Variants in GAP43 observed in about 807,000 individuals in gnomAD.
GAP43 encodes growth associated protein 43.
GAP43 carries 6 observed loss-of-function variants against 18.6 expected under a neutral mutation model. That is an observed-to-expected ratio of 0.32 (90% CI 0.18 to 0.64). GAP43 has a LOEUF of 0.64. Ranked by LOEUF, GAP43 falls within the 30% of genes least tolerant of loss-of-function variation. The pLI, the probability that GAP43 is intolerant of heterozygous loss-of-function variation, is 0.78. For missense variants in GAP43, 292 were observed against 295.5 expected (o/e 0.99, Z 0.09); for synonymous variants, 115 against 111.4 (o/e 1.03, Z -0.20).
chr3:115,653,792 C>G (rs1708549449), intron 1 of GAP43, among the ~76,000 whole-genome samples: 1 of 152,088 alleles, frequency 6.6e-6, no homozygotes, highest in Non-Finnish European at 1.5e-5. Context: ...GTAATGCCAT[C>G]CAAATGTAGG....
In GAP43 at chr3:115,650,930, T is replaced by C. The variant is rs553723426; in HGVS notation, c.31-25083T>C. Among the ~76,000 whole-genome samples, 28 of 151,960 alleles carry C rather than the reference T, an allele frequency of 1.8e-4. No individual in the cohort carries two copies. In the South Asian group the frequency reaches 4.0e-3, roughly 21 times the overall value. On this transcript the variant is annotated intron_variant, in intron 1 of 2. Transcript: ENST00000305124. ...GATTTTTTTGAGCCCAGGAGTTCCA[T>C]ACCAGCCTCAATAGCGAGACCTTGT...
chr3:115,698,083 AATATGTATT>A (rs1317003145), intron 2 of GAP43, among the ~76,000 whole-genome samples: 12 of 62,026 alleles, frequency 1.9e-4, no homozygotes, highest in East Asian at 1.7e-3. Flanking sequence ...TAATATATAA[AATATGTATT>A]ATATATAATA....
chr3:115,632,399 C>T (rs542584097), intron 1 of GAP43, among the ~76,000 whole-genome samples: 4 of 152,114 alleles, frequency 2.6e-5, no homozygotes, highest in Non-Finnish European at 1.5e-5. Context: ...AGGAATAAAC[C>T]TTGATTAGAG....
chr3:115,671,006 A>C (rs1436625622), intron 1 of GAP43, among the ~76,000 whole-genome samples: 2 of 152,208 alleles, frequency 1.3e-5, no homozygotes, highest in Admixed American at 1.3e-4. Context: ...TAATGGTACT[A>C]TTTATAGCTA....
chr3:115,645,904 A>T lies in GAP43; in HGVS notation c.30+22185A>T, dbSNP rs369685053. On this transcript the variant is annotated intron_variant, in intron 1 of 2. Transcript: ENST00000305124. ...GCATGCAAACATATGCAGACACAAAACTCTTAACTCCGGAATTTTAGGGAT... is the reference window on the plus strand; with the variant it reads ...GCATGCAAACATATGCAGACACAAATCTCTTAACTCCGGAATTTTAGGGAT... Among the ~76,000 whole-genome samples, 16 of 151,906 alleles carry T rather than the reference A, an allele frequency of 1.1e-4. 2 individuals are homozygous for T. Among genetic ancestry groups the T allele is most frequent in the African/African-American group, 3.9e-4 (16 of 41,460 alleles).
intron 1 of GAP43, among the ~76,000 whole-genome samples, chr3:115,627,512 G>A (rs894217773): frequency 1.3e-5 from 2 of 151,474 alleles, no homozygotes; most frequent in East Asian, 1.9e-4. Context: ...GTTATTCCTG[G>A]GGCTGAATTA....
At chr3:115,625,427 T>G (rs1708175644) in intron 1 of GAP43, among the ~76,000 whole-genome samples, 2 of 152,086 alleles carry the variant, frequency 1.3e-5, no homozygotes. Flanking sequence ...ATGTAATAAA[T>G]ACAGGTGTCT....
chr3:115,718,831 GT>G (rs750505602), intron 2 of GAP43, among the ~76,000 whole-genome samples: 11 of 152,238 alleles, frequency 7.2e-5, no homozygotes, highest in Admixed American at 3.3e-4. Context: ...CTAAAAGAAT[GT>G]TTTTTGATAG....
chr3:115,678,422 A>G (rs890153476), intron 2 of GAP43, among the ~76,000 whole-genome samples: 4 of 152,130 alleles, frequency 2.6e-5, no homozygotes, highest in African/African-American at 9.7e-5. Context: ...AATCAGTAGG[A>G]AGTCTAATAT....
Position 115,707,332 on chromosome 3 carries a change from G to A in GAP43, c.629-13462G>A, listed in dbSNP as rs544832031. Among the ~76,000 whole-genome samples the A allele has an allele frequency of 1.3e-4, 20 of 152,262 alleles. No individual in the cohort carries two copies. In the South Asian group the frequency reaches 3.7e-3, roughly 28 times the overall value. On this transcript the variant is annotated intron_variant, in intron 2 of 2. Coordinates refer to ENST00000305124, the MANE Select transcript of GAP43 (RefSeq NM_002045.4). Reference sequence around the variant, plus strand: ...TTGTTTCTATTTGAGGCAGGCTCTTGCTCTGTCACCAAGGCTGGAGTGCAG... The same window carrying A: ...TTGTTTCTATTTGAGGCAGGCTCTTACTCTGTCACCAAGGCTGGAGTGCAG...
At chr3:115,717,142 C>T (rs1709519222) in intron 2 of GAP43, among the ~76,000 whole-genome samples, 2 of 152,154 alleles carry the variant, frequency 1.3e-5, no homozygotes, top group South Asian at 4.2e-4. Flanking sequence ...TTCCTTCACT[C>T]AAGAAATATT....
intron 1 of GAP43, among the ~76,000 whole-genome samples, chr3:115,639,325 C>T (rs1007705178): frequency 6.6e-6 from 1 of 152,060 alleles, no homozygotes; most frequent in African/African-American, 2.4e-5. Context: ...GAAAGATAGC[C>T]GTCCTTGACA....
At chr3:115,679,996 A>T (rs1199595941) in intron 2 of GAP43, among the ~76,000 whole-genome samples, 2 of 152,176 alleles carry the variant, frequency 1.3e-5, no homozygotes, top group Non-Finnish European at 2.9e-5. Flanking sequence ...CCCTGAATAG[A>T]AAAATTAACT....
intron 2 of GAP43, among the ~76,000 whole-genome samples, chr3:115,702,863 C>T (rs556958243): frequency 6.6e-6 from 1 of 152,096 alleles, no homozygotes; most frequent in East Asian, 1.9e-4. Flanking sequence ...CTATATTTGC[C>T]CTTGTTACAG....
chr3:115,707,519 G>T (rs923991220), intron 2 of GAP43, among the ~76,000 whole-genome samples: 4 of 151,794 alleles, frequency 2.6e-5, no homozygotes, highest in Non-Finnish European at 4.4e-5. Context: ...TTGAACTCCT[G>T]GGCTCAAGTG....
At chr3:115,663,784 A>C (rs1708696173) in intron 1 of GAP43, 8 of 1,551,698 alleles carry the variant, frequency 5.2e-6, no homozygotes, top group Non-Finnish European at 7.0e-6. Context: ...TGGCGATGAC[A>C]AAGTCCTGCT....
At chr3:115,665,500 C>T (rs2107483344) in intron 1 of GAP43, among the ~76,000 whole-genome samples, 1 of 152,188 alleles carries the variant, frequency 6.6e-6, no homozygotes, top group Non-Finnish European at 1.5e-5. Flanking sequence ...AAGGGGATGG[C>T]ACACTTGCTT....
At chr3:115,714,063 CA>C (rs1709472486) in intron 2 of GAP43, among the ~76,000 whole-genome samples, 1 of 152,136 alleles carries the variant, frequency 6.6e-6, no homozygotes, top group Non-Finnish European at 1.5e-5. Flanking sequence ...ATATAAATTC[CA>C]ATAACTTAGA....
At chr3:115,682,932 T>C (rs1321259648) in intron 2 of GAP43, among the ~76,000 whole-genome samples, 1 of 152,186 alleles carries the variant, frequency 6.6e-6, no homozygotes, top group East Asian at 1.9e-4. Context: ...ATTCATTCAT[T>C]CTTTCATAGC....
Sources: allele counts gnomAD v4.1 joint callset (sites outside exome capture counted in the v4.1 genomes callset), GRCh38; gene constraint gnomAD v4.1.1; transcripts MANE v1.5; gene names NCBI Gene and HGNC (gene_info 2026-07-23, HGNC 2026-07-21).